The following ASH2L variants were observed in gnomAD, a reference collection of about 807,000 sequenced individuals.
The protein encoded by ASH2L is set1/Ash2 histone methyltransferase complex subunit ASH2.
Under a neutral mutation model 81.1 loss-of-function variants are expected in ASH2L, and 30 were observed. That is an observed-to-expected ratio of 0.37 (90% CI 0.28 to 0.50). The LOEUF (loss-of-function observed/expected upper bound fraction) is 0.50, where lower values mean the gene tolerates loss of function less well. ASH2L is among the 20% of genes least tolerant of loss of function. The probability of loss-of-function intolerance (pLI) is 0.95; values close to 1 mark genes in which losing one functional copy is unlikely to be tolerated. For missense variants in ASH2L, 559 were observed against 792.1 expected (o/e 0.71, Z 3.53); for synonymous variants, 273 against 279.9 (o/e 0.98, Z 0.24).
At chr8:38,126,363 G>A (rs1286409890) in intron 10 of ASH2L, among the ~76,000 whole-genome samples, 1 of 152,134 alleles carries the variant, frequency 6.6e-6, no homozygotes, top group African/African-American at 2.4e-5. Flanking sequence ...GTGAAATGTG[G>A]AATCTAGGAT....
At chr8:38,136,927 A>G (rs951478113) in intron 14 of ASH2L, among the ~76,000 whole-genome samples, 2 of 151,486 alleles carry the variant, frequency 1.3e-5, no homozygotes, top group Admixed American at 6.6e-5. Flanking sequence ...CCTCGTTGCT[A>G]CTAAAAATAT....
chr8:38,128,688 C>A (rs568556335), intron 11 of ASH2L, 70 bp from the exon 12 acceptor site: 1 of 1,557,552 alleles, frequency 6.4e-7, no homozygotes, highest in Non-Finnish European at 8.6e-7. Context: ...GAAATAGGAT[C>A]TTTTTCCTTC....
chr8:38,122,632 AT>A (rs1801677610), intron 10 of ASH2L, among the ~76,000 whole-genome samples: 1 of 152,208 alleles, frequency 6.6e-6, no homozygotes, highest in South Asian at 2.1e-4. Context: ...ACAGATAACA[AT>A]TTATATTGAT....
rs1810467787 is a variant in ASH2L at position 38,107,092 on chromosome 8, G to T, written c.327G>T (p.Gln109His). ...CCGTGGATGAAGAGAATGGCCGACA[G>T]TTGGGTGAGGTAGAGCTGCAATGTG... ...AGSVDEENGR[Q>H]LGEVELQCGI... The change falls in exon 3 of 16, where the codon CAG (glutamine) becomes CAT (histidine). Residue 109 changes from glutamine to histidine, a missense_variant. This residue lies in a region of ASH2L where 318 missense variants were observed against 527.0 expected (regional missense o/e 0.60). Coordinates refer to ENST00000343823, the MANE Select transcript of ASH2L (RefSeq NM_004674.5). The T allele has an allele frequency of 6.2e-7, 1 of 1,614,104 alleles. No homozygotes were observed. The highest frequency in any genetic ancestry group is 1.3e-5 in the African/African-American group (1 of 74,944).
rs760580027 is a variant in ASH2L at position 38,119,302 on chromosome 8, C to T, written c.886C>T (p.Arg296Ter). 4 of 1,550,672 alleles carry T rather than the reference C, an allele frequency of 2.6e-6. No individual in the cohort carries two copies. Among genetic ancestry groups the T allele is most frequent in the South Asian group, 1.2e-5 (1 of 83,860 alleles). The change falls in exon 9 of 16, where the codon CGA becomes TGA. Residue 296 changes from arginine (R) to a stop codon, truncating the protein, a stop_gained. Coordinates refer to ENST00000343823, the MANE Select transcript of ASH2L (RefSeq NM_004674.5). LOFTEE classifies it high-confidence loss of function. ...TGCAGCAGGAAGCAGCGGAAAAGGA[C>T]GAGGAGCCAAGCGCAAACAGCAGGA... is the stretch of plus-strand genomic sequence containing the variant. ...GIAAGSSGKG[R>*]GAKRKQQDGG...
chr8:38,105,831 G>C (rs906824197), intron 1 of ASH2L, 93 bp downstream of exon 1: 17 of 1,450,480 alleles, frequency 1.2e-5, no homozygotes, highest in Non-Finnish European at 1.4e-5. Flanking sequence ...CGCCCCCTGC[G>C]AACCCAGGCC....
chr8:38,120,674 A>G (rs1585584088), intron 9 of ASH2L, among the ~76,000 whole-genome samples: 2 of 122,668 alleles, frequency 1.6e-5, no homozygotes, highest in East Asian at 2.6e-4. Context: ...ACATCAATTC[A>G]TGTTTAAAGA....
At chr8:38,129,721 A>T (rs1329245835) in intron 12 of ASH2L, among the ~76,000 whole-genome samples, 1 of 152,130 alleles carries the variant, frequency 6.6e-6, no homozygotes, top group Non-Finnish European at 1.5e-5. Flanking sequence ...CCTCTTCTTG[A>T]ACTTAAATGG....
intron 10 of ASH2L, among the ~76,000 whole-genome samples, chr8:38,126,033 A>T (rs1315420164): frequency 6.6e-6 from 1 of 151,974 alleles, no homozygotes; most frequent in East Asian, 1.9e-4. Flanking sequence ...GTGAAACCCC[A>T]TCCCTACAGA....
At chr8:38,125,449 C>T (rs1444237450) in intron 10 of ASH2L, among the ~76,000 whole-genome samples, 2 of 151,892 alleles carry the variant, frequency 1.3e-5, no homozygotes, top group African/African-American at 4.8e-5. Context: ...GAAGAAACCC[C>T]TTCTCTGCTA....
In ASH2L at chr8:38,115,952, C is replaced by A. The variant is rs79288956; in HGVS notation, c.778-698C>A. Among the ~76,000 whole-genome samples the A allele has an allele frequency of 5.4e-4, 82 of 152,042 alleles. No individual in the cohort carries two copies. The East Asian group carries it at 0.013, about 24-fold the overall frequency. ...TTAGAATTGTCCATTTCAGACTGTG[C>A]ATGGTGGCTCACGCCTGTAATCCCA... On this transcript the variant is annotated intron_variant, in intron 7 of 15. Coordinates refer to ENST00000343823, the MANE Select transcript of ASH2L (RefSeq NM_004674.5).
chr8:38,110,858 C>T (rs769326946), intron 5 of ASH2L, 25 bp downstream of exon 5: 23 of 1,584,994 alleles, frequency 1.5e-5, no homozygotes, highest in South Asian at 4.5e-5. Flanking sequence ...AATGTGATTG[C>T]AGTTATATTG....
chr8:38,105,677 C>T lies in ASH2L; in HGVS notation c.127C>T (p.Pro43Ser), dbSNP rs762901281. ...KPVAAGAAAP[P>S]GEGISAAPTV... The stretch of plus-strand genomic sequence containing the variant: ...GGTGGCAGCGGGAGCAGCCGCTCCT[C>T]CTGGAGAGGGGATCTCTGCTGCTCC... Residue 43 changes from proline to serine, a missense_variant, in exon 1 of 16, where the codon CCT becomes TCT. Physicochemically the swap from Pro to Ser is moderately conservative, Grantham distance 74. This residue lies in a region of ASH2L where 145 missense variants were observed against 115.5 expected (regional missense o/e 1.26). Coordinates refer to ENST00000343823, the MANE Select transcript of ASH2L (RefSeq NM_004674.5). 2 of 1,587,608 alleles carry T rather than the reference C, an allele frequency of 1.3e-6. No individual in the cohort carries two copies. The highest frequency in any genetic ancestry group is 2.3e-5 in the South Asian group (2 of 88,118).
intron 6 of ASH2L, 35 bp from the exon 7 acceptor site, chr8:38,114,870 A>G (rs764448200): frequency 5.2e-6 from 7 of 1,344,404 alleles, no homozygotes; most frequent in Non-Finnish European, 7.5e-6. Context: ...TAAGTATAAA[A>G]TGTTCATTAA....
At chr8:38,129,950 A>T (rs1378325908) in intron 12 of ASH2L, among the ~76,000 whole-genome samples, 5 of 152,146 alleles carry the variant, frequency 3.3e-5, no homozygotes, top group Non-Finnish European at 7.3e-5. Flanking sequence ...TTTTTGGATC[A>T]TTGGATAGTT....
At chr8:38,114,353 A>G (rs1490221282) in intron 6 of ASH2L, 66 bp downstream of exon 6, 10 of 1,003,926 alleles carry the variant, frequency 1.0e-5, no homozygotes, top group South Asian at 1.5e-5. Flanking sequence ...AGAATTCAAT[A>G]ATATCGTCTC....
At chr8:38,122,908 T>G (rs1168831959) in intron 10 of ASH2L, among the ~76,000 whole-genome samples, 8 of 151,670 alleles carry the variant, frequency 5.3e-5, no homozygotes, top group Non-Finnish European at 1.2e-4. Context: ...CACACCTAGC[T>G]GGGTTTTTTA....
At chr8:38,112,099 T>C (rs189021831) in intron 5 of ASH2L, among the ~76,000 whole-genome samples, 1 of 152,234 alleles carries the variant, frequency 6.6e-6, no homozygotes, top group Admixed American at 6.5e-5. Context: ...CTCAACCTCC[T>C]GTGTTCAAGC....
intron 2 of ASH2L, 114 bp from the exon 3 acceptor site, chr8:38,106,907 G>T: frequency 3.1e-6 from 4 of 1,297,704 alleles, no homozygotes; most frequent in Non-Finnish European, 4.2e-6. Context: ...GAGACCTCAG[G>T]ATCACTTGAG....
Sources: allele counts gnomAD v4.1 joint callset (sites outside exome capture counted in the v4.1 genomes callset), GRCh38; gene constraint gnomAD v4.1.1; regional missense constraint gnomAD v4.1.1; transcripts MANE v1.5; gene names NCBI Gene and HGNC (gene_info 2026-07-23, HGNC 2026-07-21).